The following ST3GAL5 variants were observed in gnomAD, a reference collection of about 807,000 sequenced individuals.
The protein encoded by ST3GAL5 is lactosylceramide alpha-2,3-sialyltransferase.
In ST3GAL5, 25 loss-of-function variants were observed where a neutral mutation model predicts 46.1. That is an observed-to-expected ratio of 0.54 (90% CI 0.40 to 0.76). The LOEUF (loss-of-function observed/expected upper bound fraction) is 0.76, where lower values mean the gene tolerates loss of function less well. Ranked by LOEUF, ST3GAL5 falls within the 30% of genes least tolerant of loss-of-function variation. The pLI, the probability that ST3GAL5 is intolerant of heterozygous loss-of-function variation, is 0.00. For missense variants in ST3GAL5, 431 were observed against 521.2 expected (o/e 0.83, Z 1.69); for synonymous variants, 182 against 192.7 (o/e 0.94, Z 0.46).
chr2:85,845,264 C>A (rs2103941266), intron 5 of ST3GAL5: 1 of 153,480 alleles, frequency 6.5e-6, no homozygotes, highest in East Asian at 1.9e-4. Flanking sequence ...TCCATAGCTG[C>A]CCTTCTGGAA....
intron 1 of ST3GAL5, among the ~76,000 whole-genome samples, chr2:85,866,516 G>A (rs967166804): frequency 3.3e-5 from 5 of 152,208 alleles, no homozygotes; most frequent in Non-Finnish European, 2.9e-5. Context: ...CTATCACACT[G>A]CACAAAGAAG....
chr2:85,845,133 T>C (rs904529272), intron 5 of ST3GAL5: 7 of 181,912 alleles, frequency 3.8e-5, no homozygotes, highest in Non-Finnish European at 5.9e-5. Flanking sequence ...CATATGTCTA[T>C]ACATGTGCAT....
intron 1 of ST3GAL5, among the ~76,000 whole-genome samples, chr2:85,866,817 G>C (rs995669088): frequency 6.6e-6 from 1 of 152,140 alleles, no homozygotes; most frequent in Non-Finnish European, 1.5e-5. Context: ...TAAAACCTAG[G>C]ACAGAGATTG....
intron 5 of ST3GAL5, 108 bp from the exon 6 acceptor site, chr2:85,844,662 A>G: frequency 6.8e-7 from 1 of 1,476,664 alleles, no homozygotes; most frequent in Non-Finnish European, 9.3e-7. Flanking sequence ...GGCCCTGTGC[A>G]CTGCCTTCTG....
chr2:85,880,457 C>T (rs950003844), intron 1 of ST3GAL5, among the ~76,000 whole-genome samples: 2 of 152,160 alleles, frequency 1.3e-5, no homozygotes, highest in African/African-American at 4.8e-5. Flanking sequence ...ATTATACAAC[C>T]CATTTTTGAT....
chr2:85,852,314 A>G (rs1159276192), intron 3 of ST3GAL5, among the ~76,000 whole-genome samples: 2 of 152,172 alleles, frequency 1.3e-5, no homozygotes, highest in African/African-American at 2.4e-5. Context: ...TTCATTTCCC[A>G]CACCTGTAAA....
At chr2:85,851,278 C>A in intron 3 of ST3GAL5, 1 of 1,120,638 alleles carries the variant, frequency 8.9e-7, no homozygotes, top group South Asian at 2.2e-5. Context: ...TGACTGTGAC[C>A]CCTCCTGCGC....
At chr2:85,846,882 T>A (rs182022710) in intron 4 of ST3GAL5, 18 of 291,190 alleles carry the variant, frequency 6.2e-5, no homozygotes, top group Admixed American at 9.6e-5. Context: ...AAATTTTCCA[T>A]TGTGCTCAGA....
At chr2:85,854,718 G>A (rs1683907379) in intron 3 of ST3GAL5, 1 of 152,190 alleles carries the variant, frequency 6.6e-6, no homozygotes, top group African/African-American at 2.4e-5. Context: ...TTGAATATAT[G>A]TAAGTGCATA....
intron 1 of ST3GAL5, chr2:85,866,085 C>T (rs1200041038): frequency 6.6e-6 from 1 of 152,238 alleles, no homozygotes; most frequent in African/African-American, 2.4e-5. Context: ...AAGCTTCAGA[C>T]TAGGGGTGAC....
At chr2:85,845,078 A>G (rs1430631001) in intron 5 of ST3GAL5, 1 of 214,226 alleles carries the variant, frequency 4.7e-6, no homozygotes, top group African/African-American at 2.3e-5. Context: ...AGTTTACGTG[A>G]AAAGTTGAAT....
chr2:85,872,586 A>C (rs1686065055), intron 1 of ST3GAL5, among the ~76,000 whole-genome samples: 1 of 25,888 alleles, frequency 3.9e-5, no homozygotes, highest in Non-Finnish European at 8.3e-5. Flanking sequence ...CTCCATCTCA[A>C]AAAAAAAAAA....
chr2:85,868,478 T>A (rs1464173843), intron 1 of ST3GAL5, among the ~76,000 whole-genome samples: 2 of 146,508 alleles, frequency 1.4e-5, no homozygotes, highest in Admixed American at 6.9e-5. Flanking sequence ...ATTTTTGTAT[T>A]TTTTTTTTTT....
intron 3 of ST3GAL5, chr2:85,848,556 T>A: frequency 2.1e-6 from 1 of 474,008 alleles, no homozygotes. Flanking sequence ...TTCTGATACA[T>A]GCTACAACAT....
intron 1 of ST3GAL5, among the ~76,000 whole-genome samples, chr2:85,874,134 C>T (rs1344510303): frequency 1.3e-5 from 2 of 152,226 alleles, no homozygotes; most frequent in Non-Finnish European, 2.9e-5. Context: ...TTTTGACCAT[C>T]AACCAAGATG....
intron 3 of ST3GAL5, chr2:85,850,000 T>C (rs1031989002): frequency 6.6e-6 from 1 of 152,194 alleles, no homozygotes; most frequent in African/African-American, 2.4e-5. Flanking sequence ...TCATCCCAAC[T>C]ATGCTTTTCC....
intron 3 of ST3GAL5, chr2:85,853,725 T>C (rs1683792330): frequency 6.5e-6 from 1 of 152,726 alleles, no homozygotes; most frequent in Non-Finnish European, 1.5e-5. Context: ...TCAAGGCCTT[T>C]TGCTATCTGG....
In ST3GAL5 at chr2:85,851,234, T is replaced by C. The variant is rs1451032723; in HGVS notation, c.319-3030A>G. On this transcript the variant is annotated intron_variant, in intron 3 of 6. Coordinates refer to ENST00000638572, the MANE Select transcript of ST3GAL5 (RefSeq NM_003896.4). ...CCAGCCCAAACTTAATTTTCTAGACTGTGGGTAGGGCACATTTCTCAGTAG... is the reference window on the plus strand; with the variant it reads ...CCAGCCCAAACTTAATTTTCTAGACCGTGGGTAGGGCACATTTCTCAGTAG... 3 of 1,062,852 alleles carry C rather than the reference T, an allele frequency of 2.8e-6. No homozygotes were observed. The African/African-American group carries it at 4.9e-5, about 18-fold the overall frequency. 65.8% of individuals were successfully genotyped at this position (1,062,852 alleles called of 1,614,324 possible). A position where few individuals can be genotyped will look rare whatever the true frequency, so the allele number is the denominator to read the frequency against.
intron 1 of ST3GAL5, 36 bp from the exon 2 acceptor site, chr2:85,863,521 G>C (rs1684951365): frequency 6.2e-7 from 1 of 1,611,146 alleles, no homozygotes; most frequent in African/African-American, 1.3e-5. Context: ...TGGGGAAAAA[G>C]AGAGGAGAGA....
Sources: allele counts gnomAD v4.1 joint callset (sites outside exome capture counted in the v4.1 genomes callset), GRCh38; gene constraint gnomAD v4.1.1; transcripts MANE v1.5; gene names NCBI Gene and HGNC (gene_info 2026-07-23, HGNC 2026-07-21).